MAPK8IP3: variants seen among roughly 807,000 people sequenced by gnomAD.
The protein encoded by MAPK8IP3 is C-Jun-amino-terminal kinase-interacting protein 3.
Under a neutral mutation model 157.8 loss-of-function variants are expected in MAPK8IP3, and 49 were observed. The ratio of observed to expected loss-of-function variants is 0.31; its 90% CI spans 0.25 to 0.39. The LOEUF (loss-of-function observed/expected upper bound fraction) is 0.39, where lower values mean the gene tolerates loss of function less well. MAPK8IP3 is among the 10% of genes least tolerant of loss of function. MAPK8IP3 has a pLI of 1.00. For synonymous variants in MAPK8IP3, 897 were observed against 777.7 expected, an observed-to-expected ratio of 1.15 and a Z score of -2.55; for missense variants, 1,478 against 1,889.4, an observed-to-expected ratio of 0.78 and a Z score of 4.04.
At position 1,748,514 on chromosome 16, in the gene MAPK8IP3, G is replaced by A. The variant is rs566469221; in HGVS notation, c.1098-88G>A. On this transcript the variant is annotated intron_variant, in intron 7 of 31. Transcript: ENST00000610761. Reference sequence around the variant, plus strand: ...GCAGTGTGGGCATTGAATGGCCACGGTGGGAGGTGTTGGAAGAGTCTGCAG... The same window carrying A: ...GCAGTGTGGGCATTGAATGGCCACGATGGGAGGTGTTGGAAGAGTCTGCAG... 1.1e-3 allele frequency: 1,302 copies of A among 1,219,342 alleles called. 23 individuals carry two copies. Among genetic ancestry groups the A allele is most frequent in the Middle Eastern group, 2.5e-3 (13 of 5,274 alleles). The allele number at this position is 1,219,342 out of a possible 1,614,324, so 75.5% of individuals were successfully genotyped here.
At chr16:1,730,626 G>A (rs1262595595) in intron 4 of MAPK8IP3, among the ~76,000 whole-genome samples, 2 of 152,116 alleles carry the variant, frequency 1.3e-5, no homozygotes, top group African/African-American at 2.4e-5. Flanking sequence ...GGCGGATCAT[G>A]AGGTCAGGAG....
rs565039929 is a variant in MAPK8IP3 at position 1,742,765 on chromosome 16, T to G, written c.603-567T>G. 6.6e-6 allele frequency among the ~76,000 whole-genome samples: 1 copy of G among 152,160 alleles called. No homozygotes were observed. The highest frequency in any genetic ancestry group is 2.4e-5 in the African/African-American group (1 of 41,434). Reference sequence around the variant, plus strand: ...GGTGGCCGTGCAGCGCTGACCGTGATGCCAAGTCCCGTGGCTGGCTCTGCT... The same window carrying G: ...GGTGGCCGTGCAGCGCTGACCGTGAGGCCAAGTCCCGTGGCTGGCTCTGCT... On this transcript the variant is annotated intron_variant, in intron 4 of 31. Coordinates refer to ENST00000610761, the MANE Select transcript of MAPK8IP3 (RefSeq NM_001318852.2). The surrounding 1 kb of genome is among the most constrained non-coding windows in gnomAD (Gnocchi z 5.0).
chr16:1,756,623 AAC>A (rs60461442), intron 8 of MAPK8IP3, among the ~76,000 whole-genome samples: 31,638 of 135,212 alleles, frequency 0.23, 3,453 homozygotes, highest in East Asian at 0.35. Flanking sequence ...TTTTTACTAA[AAC>A]ACACACACAC....
In MAPK8IP3 at chr16:1,748,134, C is replaced by A. The variant is rs147167138; in HGVS notation, c.995-110C>A. 4.5e-3 allele frequency: 3,442 copies of A among 762,342 alleles called. 78 individuals carry two copies. The African/African-American group carries it at 0.051, about 11-fold the overall frequency. The allele number at this position is 762,342 out of a possible 1,614,324, so 47.2% of individuals were successfully genotyped here. On this transcript the variant is annotated intron_variant, in intron 6 of 31. Transcript: ENST00000610761. Reference sequence around the variant, plus strand: ...CTGTTTTCTGATCATCCCCACCTAGCAGGTGGTCCAGCTCCAGCCCACCAG... The same window carrying A: ...CTGTTTTCTGATCATCCCCACCTAGAAGGTGGTCCAGCTCCAGCCCACCAG...
intron 8 of MAPK8IP3, among the ~76,000 whole-genome samples, chr16:1,757,810 C>T (rs1402754928): frequency 6.6e-6 from 1 of 152,232 alleles, no homozygotes; most frequent in Non-Finnish European, 1.5e-5. Flanking sequence ...GCCACACACA[C>T]TCTCCTCTTC....
intron 8 of MAPK8IP3, among the ~76,000 whole-genome samples, chr16:1,757,129 G>A (rs1379942940): frequency 1.3e-5 from 2 of 151,842 alleles, no homozygotes; most frequent in South Asian, 2.1e-4. Flanking sequence ...TAATTGAGGC[G>A]GAGTCTTGCT....
chr16:1,762,246 G>A, intron 13 of MAPK8IP3, 105 bp from the exon 14 acceptor site: 3 of 1,402,058 alleles, frequency 2.1e-6, no homozygotes, highest in South Asian at 1.5e-5. Context: ...GGATCTGAAG[G>A]AAATTGGCAC....
Position 1,764,437 on chromosome 16 carries a change from A to C in MAPK8IP3, c.2258A>C (p.His753Pro). The C allele has an allele frequency of 1.2e-6, 2 of 1,608,432 alleles. No individual in the cohort carries two copies. The highest frequency in any genetic ancestry group is 3.4e-5 in the Admixed American group (2 of 59,666). ...REGDGEPKSAHTSPEKKKAKE... is the reference protein window; with the variant it reads ...REGDGEPKSAPTSPEKKKAKE... ...GGAGACGGCGAGCCCAAGAGCGCCC[A>C]CACGTCTCCCGAGAAGAAGAAGGTG... is the stretch of plus-strand genomic sequence containing the variant. The change falls in exon 19 of 32, where the codon CAC becomes CCC. Residue 753 changes from histidine (H) to proline (P), a missense_variant. Coordinates refer to ENST00000610761, the MANE Select transcript of MAPK8IP3 (RefSeq NM_001318852.2).
At chr16:1,763,300 G>A (rs919284890) in intron 16 of MAPK8IP3, among the ~76,000 whole-genome samples, 2 of 152,266 alleles carry the variant, frequency 1.3e-5, no homozygotes, top group South Asian at 2.1e-4. Flanking sequence ...GCAAGGAGCC[G>A]TTTCAGGCGT....
At chr16:1,749,344 A>G (rs1187824761) in intron 8 of MAPK8IP3, among the ~76,000 whole-genome samples, 1 of 151,936 alleles carries the variant, frequency 6.6e-6, no homozygotes, top group African/African-American at 2.4e-5. Context: ...AGGGCTGCCA[A>G]CTCTCCAGGA....
At chr16:1,756,403 G>C (rs1241893738) in intron 8 of MAPK8IP3, among the ~76,000 whole-genome samples, 3 of 152,072 alleles carry the variant, frequency 2.0e-5, no homozygotes, top group African/African-American at 7.2e-5. Flanking sequence ...CTACTTGGGA[G>C]GCTGATGGGG....
At position 1,761,328 on chromosome 16, in the gene MAPK8IP3, A is replaced by G. The variant is rs746042012; in HGVS notation, c.1539+23A>G. ...TCGGTACATCCACTCTTCACTCTTC[A>G]CATGCGGGGCGTCCACCATTCACTT... On this transcript the variant is annotated intron_variant, in intron 13 of 31. Transcript: ENST00000610761. 15 of 1,602,326 alleles carry G rather than the reference A, an allele frequency of 9.4e-6. No homozygotes were observed. In the East Asian group the frequency reaches 3.1e-4, roughly 33 times the overall value.
intron 2 of MAPK8IP3, among the ~76,000 whole-genome samples, chr16:1,728,094 G>C (rs1022568196): frequency 3.3e-5 from 5 of 152,250 alleles, no homozygotes; most frequent in Non-Finnish European, 7.3e-5. Flanking sequence ...TGTGGAGGCG[G>C]CCATCAGGCC....
At chr16:1,737,607 ACCGT>A (rs765686113) in intron 4 of MAPK8IP3, among the ~76,000 whole-genome samples, 10 of 68,942 alleles carry the variant, frequency 1.5e-4, no homozygotes, top group Non-Finnish European at 2.4e-4. Context: ...TGAGCGTGTG[ACCGT>A]CCGTGTGTGT....
Position 1,743,307 on chromosome 16 carries a change from C to A in MAPK8IP3, c.603-25C>A. On this transcript the variant is annotated intron_variant, in intron 4 of 31. Transcript: ENST00000610761. This position sits in a 1 kb window ranked among gnomAD's most constrained non-coding sequence, Gnocchi z 5.6. ...CACGGCCACCCTCTAACCATCGCTT[C>A]CTCTCCTCTCGCCCCCCATTTCAGC... The A allele has an allele frequency of 6.5e-7, 1 of 1,534,998 alleles. No individual in the cohort carries two copies. Among genetic ancestry groups the A allele is most frequent in the East Asian group, 2.6e-5 (1 of 39,184 alleles).
In MAPK8IP3 at chr16:1,743,365, C is replaced by T. The variant is rs1346656199; in HGVS notation, c.636C>T (p.Phe212=). ...AGCGCCCCACCTCCCTGAACGTGTT[C>T]CCCCTGGCTGACGGCACGGTACGTG... is the stretch of plus-strand genomic sequence containing the variant. ...RKERPTSLNV[F]PLADGTVRAQ... Residue 212 remains phenylalanine (F), a synonymous_variant, in exon 5 of 32, where the codon TTC becomes TTT. Transcript: ENST00000610761. This position sits in a 1 kb window ranked among gnomAD's most constrained non-coding sequence, Gnocchi z 5.6. The T allele has an allele frequency of 2.5e-6, 4 of 1,576,276 alleles. No homozygotes were observed. The highest frequency in any genetic ancestry group is 3.4e-6 in the Non-Finnish European group (4 of 1,164,880).
At chr16:1,737,711 T>C (rs1463835532) in intron 4 of MAPK8IP3, among the ~76,000 whole-genome samples, 7 of 81,712 alleles carry the variant, frequency 8.6e-5, no homozygotes, top group South Asian at 7.6e-4. Flanking sequence ...TGTGAGCATC[T>C]GTGTGACCGT....
At chr16:1,747,847 C>T (rs929196944) in intron 6 of MAPK8IP3, among the ~76,000 whole-genome samples, 21 of 152,004 alleles carry the variant, frequency 1.4e-4, no homozygotes, top group African/African-American at 4.6e-4. Context: ...CAGTAGCCTA[C>T]GTCACCCCAT....
chr16:1,752,566 G>C (rs1460477730), intron 8 of MAPK8IP3: 1 of 329,372 alleles, frequency 3.0e-6, no homozygotes, highest in Non-Finnish European at 6.1e-6. Flanking sequence ...AACATAGCGA[G>C]ACCCCATCTC....
Sources: gnomAD v4.1 joint callset for allele counts (sites outside exome capture counted in the v4.1 genomes callset) on GRCh38, gnomAD v4.1.1 for gene constraint, Gnocchi (gnomAD v3.1) non-coding constraint, MANE v1.5 for transcripts, NCBI Gene and HGNC (gene_info 2026-07-23, HGNC 2026-07-21) for gene names.